SYNE2: variants seen among roughly 807,000 people sequenced by gnomAD.
SYNE2 encodes spectrin repeat containing nuclear envelope protein 2.
A neutral mutation model predicts 856.3 loss-of-function variants in SYNE2; 431 were observed. The observed-to-expected ratio is 0.50, with a 90% CI of 0.47 to 0.55. SYNE2 has a LOEUF of 0.55. Among genes scored for constraint, SYNE2 ranks in the 20% least tolerant of loss-of-function variants. SYNE2 has a pLI of 0.00. For synonymous variants in SYNE2, 2,923 were observed against 2,872.3 expected (o/e 1.02, Z -0.56); for missense variants, 8,129 against 8,023.2 (o/e 1.01, Z -0.50).
intron 11 of SYNE2, among the ~76,000 whole-genome samples, chr14:63,974,884 GTGTGTGTGTA>G (rs1198895688): frequency 1.1e-4 from 3 of 27,292 alleles, no homozygotes; most frequent in Non-Finnish European, 1.4e-4. Flanking sequence ...GTGTGTGTGT[GTGTGTGTGTA>G]TATATATATA....
intron 2 of SYNE2, among the ~76,000 whole-genome samples, chr14:63,937,900 G>A (rs1189285872): frequency 6.6e-6 from 1 of 152,178 alleles, no homozygotes; most frequent in Non-Finnish European, 1.5e-5. Context: ...GAGGGACACT[G>A]AAAAACTGGC....
At chr14:63,844,856 G>A (rs1412551688) in intron 1 of SYNE2, among the ~76,000 whole-genome samples, 1 of 152,132 alleles carries the variant, frequency 6.6e-6, no homozygotes, top group African/African-American at 2.4e-5. Context: ...ACCACCCTGA[G>A]CAACATAGCA....
Position 64,122,013 on chromosome 14 carries a change from T to A in SYNE2, c.13160T>A (p.Val4387Asp). 1 of 1,613,436 alleles carries A rather than the reference T, an allele frequency of 6.2e-7. No homozygotes were observed. Among genetic ancestry groups the A allele is most frequent in the Admixed American group, 1.7e-5 (1 of 60,022 alleles). The change falls in exon 69 of 116, where the codon GTT becomes GAT. Residue 4387 changes from valine to aspartate, a missense_variant and splice_region_variant. By Grantham distance (152) the Val-to-Asp change is radical. Transcript: ENST00000555002. ...SRQKDFQQQQ[V>D]LELKPMEQKD... ...CATTTGAATCTCATTCAATTACAGG[T>A]TCTGGAGTTAAAACCAATGGAACAG...
At position 63,775,817 on chromosome 14, in the gene SYNE2, C is replaced by T. The variant is rs150600923; in HGVS notation, c.-305+13831C>T. ...CCACTATGTTGCCTTGGCTGATCTG[C>T]CAGTATTTTAGGGGAGATATAGTAA... On this transcript the variant is annotated intron_variant, in intron 1 of 23. Coordinates refer to the SYNE2 transcript ENST00000674003. Among the ~76,000 whole-genome samples, 622 of 152,096 alleles carry T rather than the reference C, an allele frequency of 4.1e-3. 8 individuals carry two copies. The highest frequency in any genetic ancestry group is 0.014 in the African/African-American group (584 of 41,502).
chr14:63,949,963 G>T lies in SYNE2; in HGVS notation c.547G>T (p.Ala183Ser). The stretch of plus-strand genomic sequence containing the variant: ...AGTGCAAGCAAGATGGCAAATGTCT[G>T]CAAGAAAGGCCCTTCTTTTGTGGGC... ...SKVQARWQMS[A>S]RKALLLWAQE... Residue 183 changes from alanine (A) to serine (S), a missense_variant, in exon 7 of 116, where the codon GCA becomes TCA. By Grantham distance (99) the Ala-to-Ser change is moderately conservative. Coordinates refer to ENST00000555002, the MANE Select transcript of SYNE2 (RefSeq NM_182914.3). The T allele has an allele frequency of 6.2e-7, 1 of 1,614,124 alleles. No homozygotes were observed. Among genetic ancestry groups the T allele is most frequent in the Non-Finnish European group, 8.5e-7 (1 of 1,180,016 alleles).
In SYNE2 at chr14:63,941,970, T is replaced by C; in HGVS notation, c.315+8T>C. On this transcript the variant is annotated splice_region_variant and intron_variant, in intron 5 of 115. Transcript: ENST00000555002. The stretch of plus-strand genomic sequence containing the variant: ...TTCCTAAGAAACCGATCAGTAAGTA[T>C]AAATTTTTCTTAAAAATTCACAGGA... 4 of 1,610,976 alleles carry C rather than the reference T, an allele frequency of 2.5e-6. No individual in the cohort carries two copies. Among genetic ancestry groups the C allele is most frequent in the Non-Finnish European group, 3.4e-6 (4 of 1,178,178 alleles).
At chr14:64,224,686 A>T in intron 114 of SYNE2, 139 bp downstream of exon 114, 3 of 944,494 alleles carry the variant, frequency 3.2e-6, no homozygotes, top group African/African-American at 1.6e-5. Context: ...AGAGGCTTAC[A>T]GTCTGCCTCT....
chr14:64,208,465 G>A (rs887580268), intron 100 of SYNE2, among the ~76,000 whole-genome samples: 4 of 152,208 alleles, frequency 2.6e-5, no homozygotes, highest in African/African-American at 9.7e-5. Flanking sequence ...CAACAGTAAT[G>A]GCGCCACCTG....
At chr14:63,821,393 AC>A (rs977563100) in intron 1 of SYNE2, among the ~76,000 whole-genome samples, 7 of 152,148 alleles carry the variant, frequency 4.6e-5, no homozygotes, top group Non-Finnish European at 1.0e-4. Context: ...AAAATATAGC[AC>A]CCCAAACATC....
At chr14:63,804,616 C>T (rs1888287974) in intron 1 of SYNE2, among the ~76,000 whole-genome samples, 1 of 152,150 alleles carries the variant, frequency 6.6e-6, no homozygotes, top group South Asian at 2.1e-4. Context: ...GCCTCAGCCT[C>T]TTGAATAGCT....
chr14:63,982,909 A>G, intron 17 of SYNE2, 115 bp downstream of exon 17: 1 of 1,046,370 alleles, frequency 9.6e-7, no homozygotes, highest in Non-Finnish European at 1.4e-6. Context: ...TTACGTAGCC[A>G]TTACCATAAA....
In SYNE2 at chr14:64,002,129, T is replaced by G. The variant is rs770377230; in HGVS notation, c.3786+48T>G. On this transcript the variant is annotated intron_variant, in intron 29 of 115. Coordinates refer to ENST00000555002, the MANE Select transcript of SYNE2 (RefSeq NM_182914.3). ...TGTATTTACAGAATAATCGAGTCTT[T>G]TGAGATTTATAAATCCTTATGGATT... The G allele has an allele frequency of 7.0e-6, 10 of 1,423,584 alleles. No homozygotes were observed. In the East Asian group the frequency reaches 2.3e-4, roughly 32 times the overall value. The allele number at this position is 1,423,584 out of a possible 1,614,324, so 88.2% of individuals were successfully genotyped here.
At position 63,995,176 on chromosome 14, in the gene SYNE2, A is replaced by G; in HGVS notation, c.2914A>G (p.Thr972Ala). 2.5e-6 allele frequency: 4 copies of G among 1,608,540 alleles called. No homozygotes were observed. The highest frequency in any genetic ancestry group is 3.4e-6 in the Non-Finnish European group (4 of 1,176,768). Reference sequence around the variant, plus strand: ...AAAGAAACTTATCCGTAGAGGAAGGACCAAGGGTCTCATCAAAGAACATGA... The same window carrying G: ...AAAGAAACTTATCCGTAGAGGAAGGGCCAAGGGTCTCATCAAAGAACATGA... ...KEKKLIRRGR[T>A]KGLIKEHEAC... The change falls in exon 23 of 116, where the codon ACC (threonine) becomes GCC (alanine). Residue 972 changes from threonine (T) to alanine (A), a missense_variant. Coordinates refer to ENST00000555002, the MANE Select transcript of SYNE2 (RefSeq NM_182914.3).
intron 1 of SYNE2, among the ~76,000 whole-genome samples, chr14:63,853,537 C>A (rs1890931012): frequency 6.6e-6 from 1 of 151,720 alleles, no homozygotes; most frequent in African/African-American, 2.4e-5. Flanking sequence ...AGGCCCCGGC[C>A]CTCGGGGGCC....
At chr14:63,923,691 A>T (rs966844313) in intron 2 of SYNE2, among the ~76,000 whole-genome samples, 4 of 152,216 alleles carry the variant, frequency 2.6e-5, no homozygotes, top group African/African-American at 9.6e-5. Context: ...CTTTATTAAG[A>T]TATAATTTGA....
intron 85 of SYNE2, among the ~76,000 whole-genome samples, chr14:64,153,957 G>A (rs2098265820): frequency 6.6e-6 from 1 of 152,038 alleles, no homozygotes; most frequent in African/African-American, 2.4e-5. Context: ...ATGGTGCTGG[G>A]ACAACCATGT....
At chr14:64,127,978 T>G (rs2097966243) in intron 73 of SYNE2, among the ~76,000 whole-genome samples, 1 of 152,182 alleles carries the variant, frequency 6.6e-6, no homozygotes, top group South Asian at 2.1e-4. Context: ...TAAGATGTAT[T>G]TATCCATCAT....
At chr14:64,000,495 T>G in intron 27 of SYNE2, 67 bp from the exon 28 acceptor site, 1 of 1,439,594 alleles carries the variant, frequency 6.9e-7, no homozygotes, top group Admixed American at 1.7e-5. Flanking sequence ...GTCTCATGTT[T>G]TAAGAACAGA....
chr14:63,833,975 G>A (rs1889760168), intron 1 of SYNE2, among the ~76,000 whole-genome samples: 1 of 151,886 alleles, frequency 6.6e-6, no homozygotes, highest in Non-Finnish European at 1.5e-5. Context: ...AGTCTGCTTT[G>A]CTATCACCTA....
Sources: allele counts gnomAD v4.1 joint callset (sites outside exome capture counted in the v4.1 genomes callset), GRCh38; gene constraint gnomAD v4.1.1; transcripts MANE v1.5; gene names NCBI Gene and HGNC (gene_info 2026-07-23, HGNC 2026-07-21).